FAT3: variants seen among roughly 807,000 people sequenced by gnomAD.
FAT3 encodes protocadherin Fat 3.
A neutral mutation model predicts 310.2 loss-of-function variants in FAT3; 95 were observed. The observed-to-expected ratio is 0.31, with a 90% CI of 0.26 to 0.36. The LOEUF is 0.36. Among genes scored for constraint, FAT3 ranks in the 10% least tolerant of loss-of-function variants. The pLI is 1.00. For synonymous variants in FAT3, 2,314 were observed against 2,192.9 expected, an observed-to-expected ratio of 1.06 and a Z score of -1.54; for missense variants, 5,408 against 5,715.6, an observed-to-expected ratio of 0.95 and a Z score of 1.74.
At chr11:92,636,888 T>G (rs536854467) in intron 3 of FAT3, among the ~76,000 whole-genome samples, 69 of 152,330 alleles carry the variant, frequency 4.5e-4, no homozygotes, top group Non-Finnish European at 7.8e-4. Flanking sequence ...TAAGTTATCT[T>G]GGCTACAAAT....
intron 2 of FAT3, among the ~76,000 whole-genome samples, chr11:92,450,103 G>A (rs1951317404): frequency 6.6e-6 from 1 of 152,094 alleles, no homozygotes; most frequent in Non-Finnish European, 1.5e-5. Context: ...TGCACCAATC[G>A]GCTTTGACAA....
chr11:92,731,492 A>G (rs1411344175), intron 4 of FAT3, among the ~76,000 whole-genome samples: 2 of 152,198 alleles, frequency 1.3e-5, no homozygotes, highest in East Asian at 3.9e-4. Context: ...CACCTCCCCC[A>G]GAATACCACA....
chr11:92,835,825 CTCTG>C (rs888076526), intron 15 of FAT3, among the ~76,000 whole-genome samples: 1 of 152,168 alleles, frequency 6.6e-6, no homozygotes, highest in Non-Finnish European at 1.5e-5. Flanking sequence ...CCAGGGGGAA[CTCTG>C]TCTAACAGTA....
At chr11:92,594,790 A>G (rs112265035) in intron 3 of FAT3, among the ~76,000 whole-genome samples, 192 of 152,088 alleles carry the variant, frequency 1.3e-3, no homozygotes, top group African/African-American at 4.4e-3. Flanking sequence ...ACCCACCCCC[A>G]TTTCCTACCC....
intron 7 of FAT3, among the ~76,000 whole-genome samples, chr11:92,783,403 G>T (rs1009828739): frequency 3.5e-5 from 5 of 143,452 alleles, no homozygotes; most frequent in African/African-American, 1.3e-4. Context: ...TACTTCCCTT[G>T]TGTATTTAGA....
At chr11:92,244,764 C>T (rs1001570217) in intron 1 of FAT3, among the ~76,000 whole-genome samples, 2 of 151,992 alleles carry the variant, frequency 1.3e-5, no homozygotes, top group African/African-American at 2.4e-5. Flanking sequence ...TTTTGATTTG[C>T]ATTTCTCTAA....
intron 3 of FAT3, among the ~76,000 whole-genome samples, chr11:92,626,583 G>A (rs911362921): frequency 1.3e-5 from 2 of 152,034 alleles, no homozygotes; most frequent in African/African-American, 4.8e-5. Context: ...TTTTCGGGGG[G>A]CACTTATTGT....
intron 2 of FAT3, among the ~76,000 whole-genome samples, chr11:92,465,705 G>A (rs1414352581): frequency 1.3e-5 from 2 of 152,156 alleles, no homozygotes; most frequent in African/African-American, 4.8e-5. Context: ...ACACATCAGG[G>A]CCTGTCATGG....
chr11:92,320,879 A>G (rs1240292090), intron 1 of FAT3, among the ~76,000 whole-genome samples: 3 of 131,256 alleles, frequency 2.3e-5, no homozygotes, highest in African/African-American at 7.2e-5. Flanking sequence ...CAAAAAAAAA[A>G]AGGGGGGGGT....
At chr11:92,612,010 A>T (rs1168853232) in intron 3 of FAT3, among the ~76,000 whole-genome samples, 1 of 152,220 alleles carries the variant, frequency 6.6e-6, no homozygotes, top group Non-Finnish European at 1.5e-5. Flanking sequence ...ATTAGGATTA[A>T]AGGAGACAAT....
intron 3 of FAT3, among the ~76,000 whole-genome samples, chr11:92,663,062 A>T (rs1235352385): frequency 6.6e-6 from 1 of 152,162 alleles, no homozygotes; most frequent in Non-Finnish European, 1.5e-5. Context: ...CAGGGGTGGG[A>T]AGCACGTGTT....
At chr11:92,585,723 T>C (rs1939112142) in intron 3 of FAT3, among the ~76,000 whole-genome samples, 1 of 152,038 alleles carries the variant, frequency 6.6e-6, no homozygotes, top group Non-Finnish European at 1.5e-5. Context: ...ACTCAGCAAG[T>C]CTGATTCCAG....
chr11:92,289,080 C>T (rs1198193103), intron 1 of FAT3, among the ~76,000 whole-genome samples: 2 of 152,074 alleles, frequency 1.3e-5, no homozygotes, highest in African/African-American at 4.8e-5. Flanking sequence ...CCTTAATGCA[C>T]AGACTTGCAG....
At chr11:92,722,814 C>T (rs957372873) in intron 4 of FAT3, among the ~76,000 whole-genome samples, 5 of 152,184 alleles carry the variant, frequency 3.3e-5, no homozygotes, top group Admixed American at 1.3e-4. Context: ...GAAGCCATGG[C>T]CTGAGCTCTA....
chr11:92,885,163 A>G (rs956127733), intron 24 of FAT3, among the ~76,000 whole-genome samples: 1 of 152,226 alleles, frequency 6.6e-6, no homozygotes, highest in Admixed American at 6.5e-5. Context: ...TCAAGGCAGA[A>G]GCCAGAATGC....
At chr11:92,366,620 T>A (rs1949029785) in intron 2 of FAT3, 2 of 532,134 alleles carry the variant, frequency 3.8e-6, no homozygotes, top group African/African-American at 1.9e-5. Flanking sequence ...GAATAACCAG[T>A]TGACAGGTTC....
chr11:92,599,350 A>G (rs961833139), intron 3 of FAT3, among the ~76,000 whole-genome samples: 1 of 152,186 alleles, frequency 6.6e-6, no homozygotes, highest in African/African-American at 2.4e-5. Context: ...AACCCCTTAT[A>G]AAACCACCAG....
chr11:92,719,395 G>A lies in FAT3; in HGVS notation c.3669+21950G>A, dbSNP rs537220107. Among the ~76,000 whole-genome samples, 8 of 151,890 alleles carry A rather than the reference G, an allele frequency of 5.3e-5. No homozygotes were observed. In the East Asian group the frequency reaches 5.8e-4, roughly 11 times the overall value. On this transcript the variant is annotated intron_variant, in intron 4 of 27. Coordinates refer to ENST00000525166, the MANE Select transcript of FAT3 (RefSeq NM_001367949.2). ...TATGTATAGTCGTCTCTCAATATCC[G>A]TGGAGGATTGGTTCCAAGAACCCCC...
At chr11:92,246,985 A>G (rs915685466) in intron 1 of FAT3, among the ~76,000 whole-genome samples, 1 of 152,152 alleles carries the variant, frequency 6.6e-6, no homozygotes, top group African/African-American at 2.4e-5. Context: ...GTCACAGGTC[A>G]AAGGACTAGA....
Sources: allele counts gnomAD v4.1 joint callset (sites outside exome capture counted in the v4.1 genomes callset), GRCh38; gene constraint gnomAD v4.1.1; transcripts MANE v1.5; gene names NCBI Gene and HGNC (gene_info 2026-07-23, HGNC 2026-07-21).